LMBR1L: variants seen among roughly 807,000 people sequenced by gnomAD.
LMBR1L encodes the protein limb development membrane protein 1 like, also known as protein LMBR1L.
Under a neutral mutation model 67.3 loss-of-function variants are expected in LMBR1L, and 47 were observed. The ratio of observed to expected loss-of-function variants is 0.70; its 90% confidence interval spans 0.55 to 0.89. The LOEUF (loss-of-function observed/expected upper bound fraction) is 0.89. Among genes scored for constraint, LMBR1L ranks in the 40% least tolerant of loss-of-function variants. The probability of loss-of-function intolerance (pLI) is 0.00; values close to 1 mark genes in which losing one functional copy is unlikely to be tolerated. For synonymous variants in LMBR1L, 247 were observed against 250.3 expected (o/e 0.99, Z 0.13); for missense variants, 533 against 599.2 (o/e 0.89, Z 1.15).
rs554731418 is a variant in LMBR1L, at chr12:49,103,449, G to A, written c.562+238C>T. Among the ~76,000 whole-genome samples the A allele has an allele frequency of 1.8e-4, 28 of 152,278 alleles. No individual in the cohort carries two copies. In the South Asian group the frequency reaches 3.3e-3, roughly 18 times the overall value. Reference sequence around the variant, plus strand: ...CAAAGTTAGATATCTGGATATTAATGTGAAACCTCCCAATTTAAAATGTTA... The same window carrying A: ...CAAAGTTAGATATCTGGATATTAATATGAAACCTCCCAATTTAAAATGTTA... On this transcript the variant is annotated intron_variant, in intron 6 of 16. Coordinates refer to ENST00000267102, the MANE Select transcript of LMBR1L (RefSeq NM_018113.4).
rs1940901518 is a variant in LMBR1L at position 49,106,307 on chromosome 12, G to A, written c.158-350C>T. Reference sequence around the variant, plus strand: ...TGGTTACATCAGTGGCTGGGTCCAGGAAAGGGAAAAGAGAGGAGGGGGAAG... The same window carrying A: ...TGGTTACATCAGTGGCTGGGTCCAGAAAAGGGAAAAGAGAGGAGGGGGAAG... On this transcript the variant is annotated intron_variant, in intron 2 of 16. Transcript: ENST00000267102. 3 of 388,608 alleles carry A rather than the reference G, an allele frequency of 7.7e-6. No homozygotes were observed. The East Asian group carries it at 1.8e-4, about 24-fold the overall frequency. 24.1% of individuals were successfully genotyped at this position (388,608 alleles called of 1,614,324 possible). A position where few individuals can be genotyped will look rare whatever the true frequency, so the allele number is the denominator to read the frequency against.
At chr12:49,099,929 G>A (rs1939916789) in intron 15 of LMBR1L, among the ~76,000 whole-genome samples, 2 of 152,238 alleles carry the variant, frequency 1.3e-5, no homozygotes, top group African/African-American at 4.8e-5. Context: ...TCTAAAGGCA[G>A]GAGAAGGAGT....
Position 49,100,473 on chromosome 12 carries a change from A to G in LMBR1L, c.1174-19T>C, listed in dbSNP as rs1307927540. 1 of 1,612,490 alleles carries G rather than the reference A, an allele frequency of 6.2e-7. No individual in the cohort carries two copies. The highest frequency in any genetic ancestry group is 8.5e-7 in the Non-Finnish European group (1 of 1,178,568). The stretch of plus-strand genomic sequence containing the variant: ...CAATTATCTGGGTGGAAGCAGGGAA[A>G]GGAGAGGTGAGGGTGGAAGAGCTGC... On this transcript the variant is annotated intron_variant, in intron 14 of 16. Transcript: ENST00000267102.
chr12:49,101,867 G>A (rs907949237), intron 11 of LMBR1L: 3 of 583,324 alleles, frequency 5.1e-6, no homozygotes, highest in Admixed American at 6.3e-5. Flanking sequence ...TTTAATGCCA[G>A]GGCAAACCTG....
intron 7 of LMBR1L, 28 bp downstream of exon 7, chr12:49,103,063 C>T (rs1348806425): frequency 6.2e-7 from 1 of 1,611,902 alleles, no homozygotes; most frequent in Non-Finnish European, 8.5e-7. Context: ...GGACCCTGCC[C>T]ATTCCCTCCC....
At chr12:49,103,563 T>C in intron 6 of LMBR1L, 124 bp downstream of exon 6, 1 of 1,244,186 alleles carries the variant, frequency 8.0e-7, no homozygotes, top group Non-Finnish European at 1.1e-6. Flanking sequence ...TCTATCAGTT[T>C]GAAACTTCAG....
chr12:49,100,395 T>TGTATTCCTGTCTTC lies in LMBR1L; in HGVS notation c.1232_1233insGAAGACAGGAATAC (p.Thr412LysfsTer46). 1.2e-6 allele frequency: 2 copies of TGTATTCCTGTCTTC among 1,613,082 alleles called. No individual in the cohort carries two copies. Among genetic ancestry groups the TGTATTCCTGTCTTC allele is most frequent in the Non-Finnish European group, 1.7e-6 (2 of 1,179,000 alleles). On this transcript the variant is annotated frameshift_variant, in exon 15 of 17. Transcript: ENST00000267102. LOFTEE classifies it high-confidence loss of function. ...CCTCCTTTCAATACTTACCCAGGGT[T>TGTATTCCTGTCTTC]CGAGAGAAGACAGGAAGTGCTGAGC...
At chr12:49,099,362 C>G (rs1483939095) in intron 15 of LMBR1L, among the ~76,000 whole-genome samples, 1 of 150,478 alleles carries the variant, frequency 6.6e-6, no homozygotes, top group Non-Finnish European at 1.5e-5. Flanking sequence ...TTGGCTAGGC[C>G]GGTCTTGACC....
intron 6 of LMBR1L, 76 bp from the exon 7 acceptor site, chr12:49,103,235 T>A: frequency 7.9e-7 from 1 of 1,268,164 alleles, no homozygotes; most frequent in South Asian, 1.2e-5. Context: ...CCTCAGAGTC[T>A]AGACAAGGGC....
At chr12:49,097,821 T>A in intron 16 of LMBR1L, 82 bp from the exon 17 acceptor site, 2 of 1,602,324 alleles carry the variant, frequency 1.2e-6, no homozygotes, top group South Asian at 2.2e-5. Flanking sequence ...ACAGAATGTG[T>A]GGATGAGGTA....
chr12:49,102,819 T>G, intron 8 of LMBR1L, 68 bp downstream of exon 8: 1 of 1,444,062 alleles, frequency 6.9e-7, no homozygotes, highest in Non-Finnish European at 9.7e-7. Context: ...TAGGGTTGTT[T>G]CATTGTTTGG....
chr12:49,100,162 A>G (rs1386759077), intron 15 of LMBR1L, among the ~76,000 whole-genome samples: 6 of 152,238 alleles, frequency 3.9e-5, no homozygotes, highest in Admixed American at 3.3e-4. Context: ...GTAGAAGTAA[A>G]TGAGAGGCAG....
At chr12:49,102,001 T>G in intron 11 of LMBR1L, 119 bp downstream of exon 11, 2 of 822,696 alleles carry the variant, frequency 2.4e-6, no homozygotes, top group South Asian at 3.2e-5. Context: ...AAGTAGGCAC[T>G]CAGTGAGAAG....
chr12:49,104,524 G>C lies in LMBR1L; in HGVS notation c.359C>G (p.Ser120Cys). ...HGLWNLVFLF[S>C]NLSLIFLMPF... ...CATGAGGAAGATGAGGGACAGGTTGGAGAAGAGAAAAACAAGGTTCCAGAG... is the reference window on the plus strand; with the variant it reads ...CATGAGGAAGATGAGGGACAGGTTGCAGAAGAGAAAAACAAGGTTCCAGAG... The change falls in exon 5 of 17, where the codon TCC becomes TGC. Residue 120 changes from serine to cysteine, a missense_variant. Transcript: ENST00000267102. 3.1e-6 allele frequency: 5 copies of C among 1,614,104 alleles called. No homozygotes were observed. Among genetic ancestry groups the C allele is most frequent in the Non-Finnish European group, 4.2e-6 (5 of 1,179,978 alleles).
chr12:49,098,214 G>C, intron 15 of LMBR1L, 109 bp from the exon 16 acceptor site: 1 of 1,183,054 alleles, frequency 8.5e-7, no homozygotes, highest in Non-Finnish European at 1.2e-6. Context: ...GCAACTGATA[G>C]GTTGGCCTCT....
At chr12:49,099,836 C>A (rs1269480203) in intron 15 of LMBR1L, among the ~76,000 whole-genome samples, 1 of 152,210 alleles carries the variant, frequency 6.6e-6, no homozygotes, top group Non-Finnish European at 1.5e-5. Flanking sequence ...CCGCCTTGGC[C>A]TCCCAAAGTG....
At position 49,100,424 on chromosome 12, in the gene LMBR1L, G is replaced by A; in HGVS notation, c.1204C>T (p.Leu402=). Residue 402 remains leucine, a synonymous_variant, in exon 15 of 17, where the codon CTA becomes TTA. Transcript: ENST00000267102. The part of the protein sequence containing the change: ...IIGNCVCLLV[L]SSALPVFSRT... ...GAGAAGACAGGAAGTGCTGAGCTTA[G>A]GACCAGGAGACAGACACAGTTCCCA... The A allele has an allele frequency of 6.2e-6, 10 of 1,614,008 alleles. No individual in the cohort carries two copies. Among genetic ancestry groups the A allele is most frequent in the Non-Finnish European group, 8.5e-6 (10 of 1,179,858 alleles).
chr12:49,110,013 C>A (rs1484253302), intron 1 of LMBR1L: 1 of 458,738 alleles, frequency 2.2e-6, no homozygotes, highest in East Asian at 6.9e-5. Context: ...CCCACCAAGT[C>A]CCCAGGTTCC....
rs1218715856 is a variant in LMBR1L, at chr12:49,103,755, A to G, written c.494T>C (p.Val165Ala). ...VVMLMLLTLL[V>A]LGMVWVASAI... Reference sequence around the variant, plus strand: ...TGATGCCACCCACACCATACCTAGCACCAGCAGAGTGAGGAGCATCAACAT... The same window carrying G: ...TGATGCCACCCACACCATACCTAGCGCCAGCAGAGTGAGGAGCATCAACAT... The change falls in exon 6 of 17, where the codon GTG becomes GCG. Residue 165 changes from valine (V) to alanine (A), a missense_variant. Coordinates refer to ENST00000267102, the MANE Select transcript of LMBR1L (RefSeq NM_018113.4). 5 of 1,614,070 alleles carry G rather than the reference A, an allele frequency of 3.1e-6. No homozygotes were observed. The highest frequency in any genetic ancestry group is 1.3e-5 in the African/African-American group (1 of 75,010).
Sources: gnomAD v4.1 joint callset for allele counts (sites outside exome capture counted in the v4.1 genomes callset) on GRCh38, gnomAD v4.1.1 for gene constraint, MANE v1.5 for transcripts, NCBI Gene and HGNC (gene_info 2026-07-23, HGNC 2026-07-21) for gene names.